SLIT3: variants seen among roughly 807,000 people sequenced by gnomAD.
SLIT3 encodes the protein slit homolog 3 protein.
In SLIT3, 68 loss-of-function variants were observed where a neutral mutation model predicts 184.0. The observed-to-expected ratio is 0.37, with a 90% CI of 0.30 to 0.45. The LOEUF is 0.45. Ranked by LOEUF, SLIT3 falls within the 20% of genes least tolerant of loss-of-function variation. The pLI is 1.00. For missense variants in SLIT3, 1,707 were observed against 2,026.0 expected (o/e 0.84, Z 3.02); for synonymous variants, 831 against 828.6 (o/e 1.00, Z -0.05).
At chr5:168,948,035 G>A (rs543561638) in intron 4 of SLIT3, among the ~76,000 whole-genome samples, 7 of 152,022 alleles carry the variant, frequency 4.6e-5, no homozygotes, top group Admixed American at 3.3e-4. Flanking sequence ...CAAGTGATCC[G>A]CCCACCTCAG....
intron 4 of SLIT3, among the ~76,000 whole-genome samples, chr5:169,115,625 G>T (rs982557630): frequency 6.6e-6 from 1 of 152,132 alleles, no homozygotes; most frequent in African/African-American, 2.4e-5. Flanking sequence ...AGAATTCCTG[G>T]TCGTCAACAC....
chr5:169,121,074 T>TA (rs1760855443), intron 4 of SLIT3, among the ~76,000 whole-genome samples: 1 of 152,176 alleles, frequency 6.6e-6, no homozygotes, highest in African/African-American at 2.4e-5. Flanking sequence ...TTTACACACC[T>TA]AGTACATGGT....
At chr5:168,912,718 T>C (rs181866865) in intron 4 of SLIT3, among the ~76,000 whole-genome samples, 40 of 152,322 alleles carry the variant, frequency 2.6e-4, no homozygotes, top group Non-Finnish European at 4.8e-4. Flanking sequence ...TTTTATGCAT[T>C]TTATGAAGAA....
chr5:169,038,414 T>A (rs1403044846), intron 4 of SLIT3, among the ~76,000 whole-genome samples: 1 of 152,156 alleles, frequency 6.6e-6, no homozygotes, highest in African/African-American at 2.4e-5. Context: ...GCACATACGT[T>A]CAATCAAATT....
intron 4 of SLIT3, among the ~76,000 whole-genome samples, chr5:169,111,087 C>T (rs775880680): frequency 6.6e-6 from 1 of 152,168 alleles, no homozygotes; most frequent in Non-Finnish European, 1.5e-5. Context: ...CTGTAAACTG[C>T]CCCATGCCTA....
chr5:169,187,111 G>GTTTTTTGT (rs1763372185), intron 4 of SLIT3, among the ~76,000 whole-genome samples: 7 of 94,418 alleles, frequency 7.4e-5, no homozygotes, highest in Non-Finnish European at 1.2e-4. Flanking sequence ...GCAGCTATAG[G>GTTTTTTGT]TTTTTTTTTT....
At chr5:168,779,435 G>C (rs1284178667) in intron 12 of SLIT3, among the ~76,000 whole-genome samples, 1 of 152,232 alleles carries the variant, frequency 6.6e-6, no homozygotes, top group East Asian at 1.9e-4. Context: ...TGGCACATTG[G>C]AGAGTGGGAG....
chr5:169,077,040 G>T (rs1219796987), intron 4 of SLIT3, among the ~76,000 whole-genome samples: 4 of 152,054 alleles, frequency 2.6e-5, no homozygotes, highest in African/African-American at 9.7e-5. Context: ...GGGATCACTT[G>T]TATGTGGATT....
rs1349292158 is a variant in SLIT3, at chr5:168,710,864, C to A, written c.2719+31G>T. 3 of 1,471,876 alleles carry A rather than the reference C, an allele frequency of 2.0e-6. No homozygotes were observed. In the Middle Eastern group the frequency reaches 7.2e-4, roughly 351 times the overall value. The allele number at this position is 1,471,876 out of a possible 1,614,324, so 91.2% of individuals were successfully genotyped here. On this transcript the variant is annotated intron_variant, in intron 25 of 35. Coordinates refer to ENST00000519560, the MANE Select transcript of SLIT3 (RefSeq NM_003062.4). ...GGAACACAGCAGACCCCAAGAGGGGCAGGGGAGGGTGGGGTGTGGGCGTCA... is the reference window on the plus strand; with the variant it reads ...GGAACACAGCAGACCCCAAGAGGGGAAGGGGAGGGTGGGGTGTGGGCGTCA...
At chr5:168,826,452 G>C (rs993954093) in intron 6 of SLIT3, among the ~76,000 whole-genome samples, 1 of 152,112 alleles carries the variant, frequency 6.6e-6, no homozygotes, top group Admixed American at 6.5e-5. Context: ...TGCTTCTTGT[G>C]CCGCTGCCTA....
chr5:168,733,733 C>T (rs1022670547), intron 20 of SLIT3, among the ~76,000 whole-genome samples: 2 of 150,286 alleles, frequency 1.3e-5, no homozygotes, highest in Non-Finnish European at 2.9e-5. Flanking sequence ...CACCATGGCA[C>T]ATGTATACCT....
chr5:169,195,558 G>A (rs1187243278), intron 3 of SLIT3, among the ~76,000 whole-genome samples: 3 of 152,152 alleles, frequency 2.0e-5, no homozygotes, highest in South Asian at 2.1e-4. Context: ...ACGGAGTCTC[G>A]CTATGTTGCC....
At position 168,748,410 on chromosome 5, in the gene SLIT3, A is replaced by T. The variant is rs762367561; in HGVS notation, c.2162T>A (p.Leu721Gln). The T allele has an allele frequency of 6.6e-7, 1 of 1,524,044 alleles. No homozygotes were observed. Among genetic ancestry groups the T allele is most frequent in the East Asian group, 2.7e-5 (1 of 37,674 alleles). The allele number at this position is 1,524,044 out of a possible 1,614,324, so 94.4% of individuals were successfully genotyped here. The change falls in exon 20 of 36, where the codon CTG becomes CAG. Residue 721 changes from leucine (L) to glutamine (Q), a missense_variant. This residue lies in a region of SLIT3 where 1,307 missense variants were observed against 1,511.6 expected (regional missense o/e 0.86). Coordinates refer to ENST00000519560, the MANE Select transcript of SLIT3 (RefSeq NM_003062.4). ...GCACTGCTCCGGGCAGCGCGGGCTC[A>T]GCTGGCAGCTACTCTCCTCGTTGCC... is the stretch of plus-strand genomic sequence containing the variant. The part of the protein sequence containing the change: ...CDGNEESSCQ[L>Q]SPRCPEQCTC...
At position 168,933,765 on chromosome 5, in the gene SLIT3, G is replaced by A. The variant is rs10068818; in HGVS notation, c.414-50429C>T. Among the ~76,000 whole-genome samples, 1,177 of 152,246 alleles carry A rather than the reference G, an allele frequency of 7.7e-3. 22 individuals carry two copies. Among genetic ancestry groups the A allele is most frequent in the African/African-American group, 0.027 (1,128 of 41,560 alleles). Reference sequence around the variant, plus strand: ...AATCTTGGTTGAGACCCTGGAGGTCGTCAAAGGCCAATGGGAGAGTTTGGA... The same window carrying A: ...AATCTTGGTTGAGACCCTGGAGGTCATCAAAGGCCAATGGGAGAGTTTGGA... On this transcript the variant is annotated intron_variant, in intron 4 of 35. Coordinates refer to ENST00000519560, the MANE Select transcript of SLIT3 (RefSeq NM_003062.4).
chr5:168,666,774 T>C (rs1761066170), intron 35 of SLIT3, 85 bp from the exon 36 acceptor site: 1 of 1,595,166 alleles, frequency 6.3e-7, no homozygotes, highest in Non-Finnish European at 8.5e-7. Flanking sequence ...TGCTTTGAAA[T>C]ACTTGTGCTC....
intron 25 of SLIT3, among the ~76,000 whole-genome samples, chr5:168,709,180 C>A (rs1762470501): frequency 6.6e-6 from 1 of 151,110 alleles, no homozygotes; most frequent in Non-Finnish European, 1.5e-5. Flanking sequence ...CTCACAGCAA[C>A]CTCCACCTCC....
At chr5:169,263,286 T>C (rs369252164) in intron 1 of SLIT3, among the ~76,000 whole-genome samples, 2 of 152,078 alleles carry the variant, frequency 1.3e-5, no homozygotes, top group Non-Finnish European at 2.9e-5. Context: ...GAGGCTGCAG[T>C]GAGCTATGAT....
chr5:168,884,545 A>G (rs1157497114), intron 4 of SLIT3, among the ~76,000 whole-genome samples: 1 of 15,764 alleles, frequency 6.3e-5, no homozygotes. Flanking sequence ...GCTACCAATT[A>G]CGAGATATAT....
At chr5:169,265,284 CTG>C (rs1218640335) in intron 1 of SLIT3, among the ~76,000 whole-genome samples, 2 of 152,114 alleles carry the variant, frequency 1.3e-5, no homozygotes, top group Non-Finnish European at 2.9e-5. Flanking sequence ...CTGGTTCTCA[CTG>C]TGATTTTCAC....
Sources: allele counts gnomAD v4.1 joint callset (sites outside exome capture counted in the v4.1 genomes callset), GRCh38; gene constraint gnomAD v4.1.1; regional missense constraint gnomAD v4.1.1; transcripts MANE v1.5; gene names NCBI Gene and HGNC (gene_info 2026-07-23, HGNC 2026-07-21).